Variants in PRKD1 observed in about 807,000 individuals in gnomAD.
PRKD1 encodes the protein serine/threonine-protein kinase D1.
Under a neutral mutation model 95.9 loss-of-function variants are expected in PRKD1, and 63 were observed. The observed-to-expected ratio is 0.66, with a 90% CI of 0.54 to 0.81. The LOEUF is 0.81. Ranked by LOEUF, PRKD1 falls within the 30% of genes least tolerant of loss-of-function variation. The pLI, the probability that PRKD1 is intolerant of heterozygous loss-of-function variation, is 0.00. For missense variants in PRKD1, 1,048 were observed against 1,165.3 expected, an observed-to-expected ratio of 0.90 and a Z score of 1.47; for synonymous variants, 425 against 423.1, an observed-to-expected ratio of 1.00 and a Z score of -0.05.
chr14:29,752,228 C>A (rs1165849597), intron 1 of PRKD1, among the ~76,000 whole-genome samples: 1 of 152,140 alleles, frequency 6.6e-6, no homozygotes, highest in Non-Finnish European at 1.5e-5. Flanking sequence ...ATGCTACATA[C>A]CTCTTATATC....
intron 1 of PRKD1, among the ~76,000 whole-genome samples, chr14:29,804,801 GT>G (rs917281183): frequency 6.6e-6 from 1 of 150,816 alleles, no homozygotes; most frequent in Non-Finnish European, 1.5e-5. Context: ...TCAATGAGGT[GT>G]TTTTTTTTCC....
At chr14:29,876,330 G>C (rs1453890099) in intron 1 of PRKD1, among the ~76,000 whole-genome samples, 1 of 152,060 alleles carries the variant, frequency 6.6e-6, no homozygotes, top group Non-Finnish European at 1.5e-5. Context: ...TGCCAACCAG[G>C]GATCAAGAGT....
chr14:29,659,162 C>A (rs1446143383), intron 4 of PRKD1, among the ~76,000 whole-genome samples: 1 of 152,174 alleles, frequency 6.6e-6, no homozygotes, highest in Admixed American at 6.5e-5. Context: ...TGCTCCTTCC[C>A]AGTTGATATC....
intron 1 of PRKD1, among the ~76,000 whole-genome samples, chr14:29,828,394 C>T (rs575896880): frequency 6.6e-6 from 1 of 152,150 alleles, no homozygotes; most frequent in South Asian, 2.1e-4. Flanking sequence ...CGCTCATTAC[C>T]ATGAGGATAG....
chr14:29,898,507 A>T (rs1894209317), intron 1 of PRKD1, among the ~76,000 whole-genome samples: 1 of 152,198 alleles, frequency 6.6e-6, no homozygotes, highest in Non-Finnish European at 1.5e-5. Flanking sequence ...TTCCAACATT[A>T]TTCAAATATT....
intron 1 of PRKD1, among the ~76,000 whole-genome samples, chr14:29,778,868 C>G (rs1888899676): frequency 1.3e-5 from 2 of 152,166 alleles, no homozygotes; most frequent in African/African-American, 4.8e-5. Flanking sequence ...CCCTGATGAT[C>G]ACCGATGCAA....
chr14:29,854,506 T>C (rs1892424325), intron 1 of PRKD1, among the ~76,000 whole-genome samples: 1 of 152,192 alleles, frequency 6.6e-6, no homozygotes, highest in Non-Finnish European at 1.5e-5. Flanking sequence ...AAGAGGAGAC[T>C]TGAGTGCTGT....
intron 2 of PRKD1, among the ~76,000 whole-genome samples, chr14:29,693,079 T>C (rs1045335255): frequency 6.6e-6 from 1 of 152,054 alleles, no homozygotes; most frequent in African/African-American, 2.4e-5. Flanking sequence ...TTTTTTTTGA[T>C]GCAAATGAGA....
At chr14:29,599,530 A>G (rs1893436001) in intron 14 of PRKD1, 126 bp downstream of exon 14, 2 of 879,336 alleles carry the variant, frequency 2.3e-6, no homozygotes, top group Non-Finnish European at 3.4e-6. Context: ...AAGCCACTAC[A>G]ACCTTTTCTA....
At chr14:29,769,629 TC>T (rs1035306934) in intron 1 of PRKD1, among the ~76,000 whole-genome samples, 1 of 152,100 alleles carries the variant, frequency 6.6e-6, no homozygotes, top group African/African-American at 2.4e-5. Context: ...AACATTTTTA[TC>T]CATGTGGAAA....
intron 1 of PRKD1, among the ~76,000 whole-genome samples, chr14:29,760,349 CTTTTTTTTTT>C (rs36093531): frequency 8.8e-6 from 1 of 114,178 alleles, no homozygotes; most frequent in Non-Finnish European, 1.8e-5. Context: ...ATTTTCTCAA[CTTTTTTTTTT>C]TTTTTTTTTT....
At chr14:29,861,794 A>T (rs912504287) in intron 1 of PRKD1, among the ~76,000 whole-genome samples, 5 of 152,174 alleles carry the variant, frequency 3.3e-5, no homozygotes, top group Admixed American at 2.6e-4. Context: ...CTGGGACTAC[A>T]GGTGTGTGCC....
At chr14:29,783,860 G>A (rs1467029279) in intron 1 of PRKD1, among the ~76,000 whole-genome samples, 1 of 152,162 alleles carries the variant, frequency 6.6e-6, no homozygotes, top group African/African-American at 2.4e-5. Flanking sequence ...TGTTGGTTGA[G>A]TTTGTTGTAT....
chr14:29,818,237 G>A (rs1890770199), intron 1 of PRKD1, among the ~76,000 whole-genome samples: 1 of 152,190 alleles, frequency 6.6e-6, no homozygotes, highest in African/African-American at 2.4e-5. Context: ...CTCAATTCAT[G>A]AGTTTAGCTG....
intron 1 of PRKD1, among the ~76,000 whole-genome samples, chr14:29,790,978 A>G (rs1466610658): frequency 1.3e-5 from 2 of 152,190 alleles, no homozygotes; most frequent in Non-Finnish European, 2.9e-5. Context: ...AGTGAGCCCT[A>G]GCCTTACCAG....
intron 2 of PRKD1, among the ~76,000 whole-genome samples, chr14:29,713,776 C>T (rs1260756744): frequency 6.6e-6 from 1 of 152,078 alleles, no homozygotes; most frequent in Non-Finnish European, 1.5e-5. Context: ...TTTACAAAAG[C>T]CTTATGTCCT....
intron 2 of PRKD1, among the ~76,000 whole-genome samples, chr14:29,681,450 A>G (rs996634772): frequency 2.0e-5 from 3 of 151,946 alleles, no homozygotes; most frequent in African/African-American, 7.3e-5. Context: ...AATCAGTTTT[A>G]TTACATTTAT....
At chr14:29,729,531 A>C (rs1457412653) in intron 1 of PRKD1, among the ~76,000 whole-genome samples, 1 of 151,812 alleles carries the variant, frequency 6.6e-6, no homozygotes, top group Non-Finnish European at 1.5e-5. Context: ...TTAATTTCTT[A>C]TATCCTTTCT....
At position 29,578,342 on chromosome 14, in the gene PRKD1, TTGTTGATAAGATCAA is replaced by T; in HGVS notation, c.2438_2452del (p.Ile813_Asn817del). ...CTTTCTCATTTTTACTTGCAGCAAA[TTGTTGATAAGATCAA>T]TGGCTGAAAAAAATTACCAGTAAAA... On this transcript the variant is annotated inframe_deletion, in exon 17 of 18. Transcript: ENST00000331968. The T allele has an allele frequency of 6.2e-7, 1 of 1,610,730 alleles. No individual in the cohort carries two copies. The highest frequency in any genetic ancestry group is 2.2e-5 in the East Asian group (1 of 44,756).
Sources: allele counts gnomAD v4.1 joint callset (sites outside exome capture counted in the v4.1 genomes callset), GRCh38; gene constraint gnomAD v4.1.1; transcripts MANE v1.5; gene names NCBI Gene and HGNC (gene_info 2026-07-23, HGNC 2026-07-21).